Variants in MROH2A observed in about 807,000 individuals in gnomAD.
MROH2A encodes maestro heat-like repeat-containing protein family member 2A.
A neutral mutation model predicts 200.4 loss-of-function variants in MROH2A; 174 were observed. The ratio of observed to expected loss-of-function variants is 0.87; its 90% CI spans 0.77 to 0.98. The LOEUF is 0.98. MROH2A is among the 50% of genes least tolerant of loss of function. The probability of loss-of-function intolerance (pLI) is 0.00; values close to 1 mark genes in which losing one functional copy is unlikely to be tolerated. For synonymous variants in MROH2A, 829 were observed against 840.4 expected, an observed-to-expected ratio of 0.99 and a Z score of 0.23; for missense variants, 2,045 against 2,139.6, an observed-to-expected ratio of 0.96 and a Z score of 0.87.
intron 21 of MROH2A, among the ~76,000 whole-genome samples, chr2:233,808,521 T>A (rs769876959): frequency 5.3e-5 from 8 of 151,952 alleles, no homozygotes; most frequent in Non-Finnish European, 7.4e-5. Context: ...TGGGGTCTGG[T>A]TGTTTGGATG....
rs62650076 is a variant in MROH2A, at chr2:233,787,985, T to C, written c.277-1512T>C. Among the ~76,000 whole-genome samples, 16 of 48,744 alleles carry C rather than the reference T, an allele frequency of 3.3e-4. 1 individual carries two copies. In the East Asian group the frequency reaches 0.013, roughly 39 times the overall value. 32.0% of individuals were successfully genotyped at this position (48,744 alleles called of 152,430 possible). A position where few individuals can be genotyped will look rare whatever the true frequency, so the allele number is the denominator to read the frequency against. Reference sequence around the variant, plus strand: ...ATATTATATATACATATATATTATATATACATATATTATATATATACATAT... The same window carrying C: ...ATATTATATATACATATATATTATACATACATATATTATATATATACATAT... On this transcript the variant is annotated intron_variant, in intron 3 of 41. Transcript: ENST00000389758.
chr2:233,789,627 AG>A lies in MROH2A; in HGVS notation c.408+1del. 2 of 1,457,998 alleles carry A rather than the reference AG, an allele frequency of 1.4e-6. No homozygotes were observed. The highest frequency in any genetic ancestry group is 1.8e-6 in the Non-Finnish European group (2 of 1,102,484). The allele number at this position is 1,457,998 out of a possible 1,614,324, so 90.3% of individuals were successfully genotyped here. ...IASKEMREIP[E>X]MEGYMKAEVA... is the part of the protein sequence containing the mutation. ...TCCAAGGAGATGAGGGAGATCCCAG[AG>A]GTAGGACCCCAAGCTCCATCGGTGC... is the stretch of plus-strand genomic sequence containing the variant. On this transcript the variant is annotated frameshift_variant and splice_region_variant, in exon 4 of 42. Coordinates refer to ENST00000389758, the MANE Select transcript of MROH2A (RefSeq NM_001394639.1). LOFTEE classifies it high-confidence loss of function.
In MROH2A at chr2:233,779,801, T is replaced by G. The variant is rs1395973922; in HGVS notation, c.225T>G (p.Thr75=). Residue 75 remains threonine, a synonymous_variant, in exon 3 of 42, where the codon ACT becomes ACG. Coordinates refer to ENST00000389758, the MANE Select transcript of MROH2A (RefSeq NM_001394639.1). ...TGATAATCATGGAGAAGGCCACCAC[T>G]GAGCCTTCTGTAGTGATAAACACTC... ...ASVIIMEKAT[T]EPSVVINTLI... The G allele has an allele frequency of 6.4e-7, 1 of 1,550,652 alleles. No individual in the cohort carries two copies. The highest frequency in any genetic ancestry group is 2.4e-5 in the East Asian group (1 of 40,924).
intron 35 of MROH2A, 37 bp downstream of exon 35, chr2:233,823,701 C>T (rs1037625022): frequency 2.3e-5 from 36 of 1,542,274 alleles, no homozygotes; most frequent in African/African-American, 1.4e-4. Flanking sequence ...GGGGTGCAAG[C>T]GGAGGGGATG....
At chr2:233,790,085 T>C (rs1370441062) in intron 5 of MROH2A, 71 bp downstream of exon 5, 1 of 1,363,348 alleles carries the variant, frequency 7.3e-7, no homozygotes, top group African/African-American at 1.5e-5. Context: ...GCCCCTCCCA[T>C]CTATCCCTAT....
At chr2:233,832,720 A>T in intron 41 of MROH2A, 76 bp downstream of exon 41, 2 of 719,222 alleles carry the variant, frequency 2.8e-6, no homozygotes, top group Non-Finnish European at 4.5e-6. Flanking sequence ...AACTGCTTCA[A>T]GGGAAGAGCC....
Position 233,802,263 on chromosome 2 carries a change from C to T in MROH2A, c.1656C>T (p.His552=). The T allele has an allele frequency of 6.4e-7, 1 of 1,550,558 alleles. No homozygotes were observed. The highest frequency in any genetic ancestry group is 2.4e-5 in the East Asian group (1 of 40,900). ...TCAGCCTCACAAACCTGGCAGAACA[C>T]CAGCTCCATGGCCAGGATGTGGATG... ...ICISLTNLAE[H]QLHGQDVDVS... Residue 552 remains histidine, a synonymous_variant, in exon 15 of 42, where the codon CAC becomes CAT. Transcript: ENST00000389758.
At chr2:233,776,408 T>G (rs901675818), upstream of MROH2A, among the ~76,000 whole-genome samples, 10 of 145,304 alleles carry the variant, frequency 6.9e-5, no homozygotes, top group Admixed American at 5.8e-4. Flanking sequence ...CAGGCTGGAG[T>G]GCAGTGGTGT....
At chr2:233,818,529 T>C in intron 28 of MROH2A, 123 bp from the exon 29 acceptor site, 1 of 725,478 alleles carries the variant, frequency 1.4e-6, no homozygotes, top group Non-Finnish European at 2.5e-6. Context: ...TCAGAACGCC[T>C]GGGACGTTCA....
At chr2:233,788,264 TAATAA>T (rs1701499228) in intron 3 of MROH2A, among the ~76,000 whole-genome samples, 1 of 1,554 alleles carries the variant, frequency 6.4e-4, no homozygotes, top group African/African-American at 9.1e-3. Flanking sequence ...TCCTTGGGAG[TAATAA>T]TAATAATAAT....
chr2:233,814,758 C>A, intron 26 of MROH2A, 81 bp downstream of exon 26: 1 of 864,384 alleles, frequency 1.2e-6, no homozygotes, highest in Non-Finnish European at 1.8e-6. Flanking sequence ...CTCTGGGGAA[C>A]AGGGGAGTGC....
At chr2:233,830,922 A>G (rs903247791) in intron 38 of MROH2A, among the ~76,000 whole-genome samples, 7 of 152,148 alleles carry the variant, frequency 4.6e-5, no homozygotes, top group Non-Finnish European at 8.8e-5. Flanking sequence ...CAGGGAAGGA[A>G]CCAGGGTGCA....
In MROH2A at chr2:233,807,301, G is replaced by A; in HGVS notation, c.2053-122G>A. 9.0e-7 allele frequency: 1 copy of A among 1,107,544 alleles called. No individual in the cohort carries two copies. Among genetic ancestry groups the A allele is most frequent in the South Asian group, 1.7e-5 (1 of 59,412 alleles). 68.6% of individuals were successfully genotyped at this position (1,107,544 alleles called of 1,614,324 possible). A position where few individuals can be genotyped will look rare whatever the true frequency, so the allele number is the denominator to read the frequency against. On this transcript the variant is annotated intron_variant, in intron 19 of 41. Coordinates refer to ENST00000389758, the MANE Select transcript of MROH2A (RefSeq NM_001394639.1). This position sits in a 1 kb window ranked among gnomAD's most constrained non-coding sequence, Gnocchi z 4.3. ...GTGAATTGTGCTGCTGTAAACGTGT[G>A]TGCAAGTATCTTCTGCACATTAAAA...
intron 24 of MROH2A, 98 bp downstream of exon 24, chr2:233,812,057 C>A (rs1703196511): frequency 2.4e-6 from 2 of 828,246 alleles, no homozygotes; most frequent in Admixed American, 2.1e-5. Context: ...CCTTTTTCCT[C>A]TCCTCCCTCT....
chr2:233,780,692 G>T (rs1370528717), intron 3 of MROH2A, among the ~76,000 whole-genome samples: 13 of 152,148 alleles, frequency 8.5e-5, no homozygotes, highest in Admixed American at 8.5e-4. Flanking sequence ...AGGGTAATTA[G>T]TATATCCAAC....
intron 35 of MROH2A, among the ~76,000 whole-genome samples, chr2:233,826,443 A>G: frequency 6.6e-6 from 1 of 152,352 alleles, no homozygotes; most frequent in Middle Eastern, 3.4e-3. Flanking sequence ...CTGATCTTGG[A>G]CAAACCTGAC....
At chr2:233,821,318 C>T (rs1171670512) in intron 31 of MROH2A, among the ~76,000 whole-genome samples, 1 of 152,154 alleles carries the variant, frequency 6.6e-6, no homozygotes, top group Admixed American at 6.5e-5. Flanking sequence ...TTTCCTTGCG[C>T]CCCATGGCTT....
intron 39 of MROH2A, 94 bp downstream of exon 39, chr2:233,831,634 C>A: frequency 7.2e-7 from 1 of 1,383,960 alleles, no homozygotes; most frequent in Non-Finnish European, 9.7e-7. Context: ...TTTCTTGGGG[C>A]CCTATGTTTA....
Position 233,822,453 on chromosome 2 carries a change from C to G in MROH2A, c.3763C>G (p.Leu1255Val). ...FLPDLIYTLL[L>V]QLGSSHRPEA... ...CCCTGACCTCATCTACACCCTCCTGCTGCAGCTTGGAAGCAGCCACCGACC... is the reference window on the plus strand; with the variant it reads ...CCCTGACCTCATCTACACCCTCCTGGTGCAGCTTGGAAGCAGCCACCGACC... Residue 1255 changes from leucine (L) to valine (V), a missense_variant, in exon 33 of 42, where the codon CTG becomes GTG. Physicochemically the swap from Leu to Val is conservative, Grantham distance 32 (BLOSUM62 1). Transcript: ENST00000389758. The G allele has an allele frequency of 3.9e-6, 6 of 1,551,016 alleles. No individual in the cohort carries two copies. The South Asian group carries it at 7.1e-5, about 18-fold the overall frequency.
Sources: allele counts gnomAD v4.1 joint callset (sites outside exome capture counted in the v4.1 genomes callset), GRCh38; gene constraint gnomAD v4.1.1; non-coding constraint Gnocchi (gnomAD v3.1); transcripts MANE v1.5; gene names NCBI Gene and HGNC (gene_info 2026-07-23, HGNC 2026-07-21).